The following NAV2 variants were observed in gnomAD, a reference collection of about 807,000 sequenced individuals.
NAV2 encodes helicase, APC down-regulated 1.
NAV2 carries 54 observed loss-of-function variants against 223.2 expected under a neutral mutation model. That is an observed-to-expected ratio of 0.24 (90% CI 0.19 to 0.30). The LOEUF (loss-of-function observed/expected upper bound fraction) is 0.30, where lower values mean the gene tolerates loss of function less well. Among genes scored for constraint, NAV2 ranks in the 10% least tolerant of loss-of-function variants. The pLI, the probability that NAV2 is intolerant of heterozygous loss-of-function variation, is 1.00. For missense variants in NAV2, 2,806 were observed against 3,147.5 expected (o/e 0.89, Z 2.60); for synonymous variants, 1,279 against 1,239.3 (o/e 1.03, Z -0.67).
At chr11:19,859,781 A>G (rs1172936864) in intron 3 of NAV2, among the ~76,000 whole-genome samples, 1 of 110,582 alleles carries the variant, frequency 9.0e-6, no homozygotes, top group Non-Finnish European at 1.9e-5. Flanking sequence ...TGACCCCCCC[A>G]CCTCCCTCCC....
At chr11:19,354,102 C>T (rs1051335607) in intron 1 of NAV2, among the ~76,000 whole-genome samples, 1 of 152,196 alleles carries the variant, frequency 6.6e-6, no homozygotes, top group Admixed American at 6.5e-5. Context: ...GGTTTGGGCT[C>T]TGTTTTTTGA....
intron 1 of NAV2, among the ~76,000 whole-genome samples, chr11:19,639,949 T>C (rs2047616396): frequency 6.6e-6 from 1 of 152,186 alleles, no homozygotes; most frequent in Non-Finnish European, 1.5e-5. Flanking sequence ...AAATTCAGCA[T>C]GGGTGAAGGG....
chr11:19,878,811 G>A (rs551520035), intron 4 of NAV2, among the ~76,000 whole-genome samples: 1 of 152,302 alleles, frequency 6.6e-6, no homozygotes, highest in Non-Finnish European at 1.5e-5. Flanking sequence ...AGCCTTGGAG[G>A]AAACTCTTGT....
chr11:19,820,210 G>A (rs952350107), intron 1 of NAV2, among the ~76,000 whole-genome samples: 1 of 152,236 alleles, frequency 6.6e-6, no homozygotes, highest in Non-Finnish European at 1.5e-5. Context: ...GTCAGGCAGT[G>A]GCACTGATTG....
intron 6 of NAV2, among the ~76,000 whole-genome samples, chr11:19,931,054 TGTGTA>T (rs2045286899): frequency 6.6e-6 from 1 of 152,212 alleles, no homozygotes; most frequent in African/African-American, 2.4e-5. Flanking sequence ...CATTTCTGGC[TGTGTA>T]ATTTAGGATT....
chr11:19,677,616 A>T (rs2048752170), intron 1 of NAV2, among the ~76,000 whole-genome samples: 1 of 152,250 alleles, frequency 6.6e-6, no homozygotes, highest in Non-Finnish European at 1.5e-5. Context: ...AAATGACAAA[A>T]ATTAGGTTCA....
rs201735388 is a variant in NAV2, at chr11:19,379,356, T to C, written c.75+28329T>C. 3.3e-5 allele frequency among the ~76,000 whole-genome samples: 5 copies of C among 152,134 alleles called. No homozygotes were observed. The East Asian group carries it at 7.7e-4, about 23-fold the overall frequency. ...ATTTAGAGAATAAGAGCAAGGCCTA[T>C]TACTTGGGAGCAAGGGGGTGGTTGA... On this transcript the variant is annotated intron_variant, in intron 1 of 37. Coordinates refer to the NAV2 transcript ENST00000360655.
intron 10 of NAV2, chr11:19,979,126 C>G (rs1224014917): frequency 1.3e-5 from 2 of 152,234 alleles, no homozygotes; most frequent in East Asian, 3.8e-4. Context: ...GACTACCCTT[C>G]AAGTCTGGCC....
At chr11:19,966,245 G>T (rs1228706238) in intron 10 of NAV2, among the ~76,000 whole-genome samples, 2 of 152,186 alleles carry the variant, frequency 1.3e-5, no homozygotes, top group East Asian at 3.9e-4. Context: ...AGATGTTGCT[G>T]TGGTCATCTG....
chr11:19,923,125 ATCT>A (rs936157618), intron 6 of NAV2, among the ~76,000 whole-genome samples: 2 of 152,170 alleles, frequency 1.3e-5, no homozygotes, highest in East Asian at 1.9e-4. Flanking sequence ...ATAAGGGCTC[ATCT>A]TCTTCTCCCT....
chr11:20,090,876 G>A lies in NAV2; in HGVS notation c.5510G>A (p.Cys1837Tyr), dbSNP rs768484819. The A allele has an allele frequency of 6.2e-7, 1 of 1,613,952 alleles. No individual in the cohort carries two copies. Among genetic ancestry groups the A allele is most frequent in the Non-Finnish European group, 8.5e-7 (1 of 1,179,912 alleles). Residue 1837 changes from cysteine to tyrosine, a missense_variant, in exon 27 of 38, where the codon TGC (cysteine) becomes TAC (tyrosine). Physicochemically the swap from Cys to Tyr is radical, Grantham distance 194. This residue lies in a region of NAV2 where 824 missense variants were observed against 1,069.4 expected (regional missense o/e 0.77). Transcript: ENST00000349880. ...NSHSNSLISE[C>Y]MDSEAETVMQ... The stretch of plus-strand genomic sequence containing the variant: ...TCCTCTTTCCCTAGAATTTCAGAAT[G>A]CATGGATAGTGAAGCTGAGACCGTC...
intron 1 of NAV2, among the ~76,000 whole-genome samples, chr11:19,679,157 GC>G (rs1174660852): frequency 1.3e-5 from 2 of 152,240 alleles, no homozygotes; most frequent in Admixed American, 1.3e-4. Flanking sequence ...CTGGCTGGGT[GC>G]AGCGGCTCAC....
intron 11 of NAV2, among the ~76,000 whole-genome samples, chr11:19,987,604 G>A (rs1364773248): frequency 1.3e-5 from 2 of 152,218 alleles, no homozygotes; most frequent in Admixed American, 6.5e-5. Context: ...TGTGGCTGGG[G>A]TATCTTCAGG....
At chr11:19,586,313 C>T (rs540089955) in intron 1 of NAV2, among the ~76,000 whole-genome samples, 4 of 152,158 alleles carry the variant, frequency 2.6e-5, no homozygotes, top group East Asian at 1.9e-4. Context: ...ACTTCTTTGC[C>T]ATGGGTTCGA....
chr11:19,447,626 A>G (rs751127028), intron 1 of NAV2, among the ~76,000 whole-genome samples: 6 of 152,184 alleles, frequency 3.9e-5, no homozygotes, highest in Non-Finnish European at 5.9e-5. Context: ...TTACAACACT[A>G]TGACATAGGT....
chr11:19,868,940 G>A lies in NAV2; in HGVS notation c.454G>A (p.Ala152Thr). The A allele has an allele frequency of 6.2e-7, 1 of 1,612,634 alleles. No homozygotes were observed. Among genetic ancestry groups the A allele is most frequent in the African/African-American group, 1.3e-5 (1 of 74,964 alleles). Residue 152 changes from alanine (A) to threonine (T), a missense_variant, in exon 4 of 38, where the codon GCC becomes ACC. Physicochemically the swap from Ala to Thr is moderately conservative, Grantham distance 58 (BLOSUM62 0). Transcript: ENST00000349880. Reference sequence around the variant, plus strand: ...TCCCTCCTAGATTGAAAACATAGATGCCTGCTTGAATTTCCTGGCAGCTAA... The same window carrying A: ...TCCCTCCTAGATTGAAAACATAGATACCTGCTTGAATTTCCTGGCAGCTAA... ...NRSQMIENID[A>T]CLNFLAAKGI...
At chr11:19,385,145 C>T (rs1225908397) in intron 1 of NAV2, 1 of 152,180 alleles carries the variant, frequency 6.6e-6, no homozygotes, top group East Asian at 1.9e-4. Flanking sequence ...ATTTTATACT[C>T]ACTAGAATGG....
At chr11:19,404,337 C>T (rs1849805907) in intron 1 of NAV2, among the ~76,000 whole-genome samples, 1 of 152,164 alleles carries the variant, frequency 6.6e-6, no homozygotes, top group Non-Finnish European at 1.5e-5. Flanking sequence ...AAGGCCTGAA[C>T]TTGGCAAGGG....
intron 3 of NAV2, among the ~76,000 whole-genome samples, chr11:19,867,922 C>T (rs1045161843): frequency 2.2e-4 from 33 of 152,220 alleles, no homozygotes; most frequent in African/African-American, 7.5e-4. Flanking sequence ...TTTACATTTT[C>T]TGTGGCTGTG....
Sources: gnomAD v4.1 joint callset for allele counts (sites outside exome capture counted in the v4.1 genomes callset) on GRCh38, gnomAD v4.1.1 for gene constraint, gnomAD v4.1.1 regional missense constraint, MANE v1.5 for transcripts, NCBI Gene and HGNC (gene_info 2026-07-23, HGNC 2026-07-21) for gene names.